Variants in INTS2 observed in about 807,000 individuals in gnomAD.
INTS2 encodes the protein integrator complex subunit 2, also known as KIAA1287.
Under a neutral mutation model 139.6 loss-of-function variants are expected in INTS2, and 57 were observed. The ratio of observed to expected loss-of-function variants is 0.41; its 90% CI spans 0.33 to 0.51. INTS2 has a LOEUF of 0.51. Among genes scored for constraint, INTS2 ranks in the 20% least tolerant of loss-of-function variants. The probability of loss-of-function intolerance (pLI) is 0.28; values close to 1 mark genes in which losing one functional copy is unlikely to be tolerated. For synonymous variants in INTS2, 473 were observed against 493.4 expected, an observed-to-expected ratio of 0.96 and a Z score of 0.55; for missense variants, 1,196 against 1,436.7, an observed-to-expected ratio of 0.83 and a Z score of 2.71.
In INTS2 at chr17:61,873,349, C is replaced by A. The variant is rs568452964; in HGVS notation, c.2583-889G>T. Among the ~76,000 whole-genome samples, 10 of 151,998 alleles carry A rather than the reference C, an allele frequency of 6.6e-5. No homozygotes were observed. The highest frequency in any genetic ancestry group is 2.4e-4 in the African/African-American group (10 of 41,442). On this transcript the variant is annotated intron_variant, in intron 19 of 24. Transcript: ENST00000251334. The surrounding 1 kb of genome is among the most constrained non-coding windows in gnomAD (Gnocchi z 4.0). Reference sequence around the variant, plus strand: ...GACCAGCCTGGACAACATAGCAAGACCCCCAACTCAAAAAATAAAAATAAA... The same window carrying A: ...GACCAGCCTGGACAACATAGCAAGAACCCCAACTCAAAAAATAAAAATAAA...
In INTS2 at chr17:61,870,447, T is replaced by C. The variant is rs1257447666; in HGVS notation, c.2779-459A>G. On this transcript the variant is annotated intron_variant, in intron 20 of 24. Transcript: ENST00000251334. The surrounding 1 kb of genome is among the most constrained non-coding windows in gnomAD (Gnocchi z 4.4). Reference sequence around the variant, plus strand: ...CCTGATTTCCCTTTTTTTCAACCTGTTTAAGGCTCTGGTTTCACAAGGAAA... The same window carrying C: ...CCTGATTTCCCTTTTTTTCAACCTGCTTAAGGCTCTGGTTTCACAAGGAAA... 6.6e-6 allele frequency among the ~76,000 whole-genome samples: 1 copy of C among 152,112 alleles called. No individual in the cohort carries two copies. The highest frequency in any genetic ancestry group is 1.5e-5 in the Non-Finnish European group (1 of 68,000).
At chr17:61,880,950 C>A in intron 17 of INTS2, 57 bp downstream of exon 17, 1 of 1,314,624 alleles carries the variant, frequency 7.6e-7, no homozygotes, top group Non-Finnish European at 1.1e-6. Context: ...TTTCAATTAG[C>A]CTAGCATCTC....
In INTS2 at chr17:61,876,972, A is replaced by G. The variant is rs1339053138; in HGVS notation, c.2456+915T>C. Among the ~76,000 whole-genome samples, 1 of 152,218 alleles carries G rather than the reference A, an allele frequency of 6.6e-6. No homozygotes were observed. The highest frequency in any genetic ancestry group is 2.4e-5 in the African/African-American group (1 of 41,458). ...TAAAGGATTATCACATAGCTCAATT[A>G]TGAAACCACTTCTGTAGTCATAATA... On this transcript the variant is annotated intron_variant, in intron 18 of 24. Transcript: ENST00000251334. This position sits in a 1 kb window ranked among gnomAD's most constrained non-coding sequence, Gnocchi z 4.1.
At chr17:61,911,279 A>T in intron 7 of INTS2, 1 of 451,086 alleles carries the variant, frequency 2.2e-6, no homozygotes, top group Non-Finnish European at 3.9e-6. Context: ...TAAAAGAACT[A>T]AATAAATATT....
At chr17:61,896,684 C>G (rs184951036) in intron 11 of INTS2, among the ~76,000 whole-genome samples, 1 of 152,088 alleles carries the variant, frequency 6.6e-6, no homozygotes, top group East Asian at 1.9e-4. Context: ...CTAAGTTTCA[C>G]TAGTAATCAA....
rs2079039925 is a variant in INTS2 at position 61,865,768 on chromosome 17, A to G, written c.*1789T>C. 1.3e-5 allele frequency: 2 copies of G among 152,254 alleles called. No homozygotes were observed. The highest frequency in any genetic ancestry group is 4.1e-4 in the South Asian group (2 of 4,832). 9.4% of individuals were successfully genotyped at this position (152,254 alleles called of 1,614,324 possible). On this transcript the variant is annotated 3_prime_UTR_variant, in exon 25 of 25. Coordinates refer to ENST00000251334, the MANE Select transcript of INTS2 (RefSeq NM_001351695.2). The surrounding 1 kb of genome is among the most constrained non-coding windows in gnomAD (Gnocchi z 4.8). ...GACTACAAAACTGCCTTGTTTAAAA[A>G]TATGAAAATTCTTATGCTATTTTTA...
intron 5 of INTS2, 60 bp from the exon 6 acceptor site, chr17:61,912,130 CAT>C: frequency 1.3e-6 from 2 of 1,554,482 alleles, no homozygotes; most frequent in Non-Finnish European, 1.8e-6. Flanking sequence ...GAAGATTTCA[CAT>C]GACAGAAGAA....
intron 3 of INTS2, among the ~76,000 whole-genome samples, chr17:61,922,382 C>T (rs1336673312): frequency 1.4e-5 from 2 of 148,114 alleles, no homozygotes; most frequent in Non-Finnish European, 3.0e-5. Context: ...GCAGGAGAAT[C>T]GCTTGAACCC....
chr17:61,920,893 T>A (rs980706916), intron 4 of INTS2, among the ~76,000 whole-genome samples: 2 of 152,050 alleles, frequency 1.3e-5, no homozygotes, highest in African/African-American at 4.8e-5. Flanking sequence ...CAAGCCATCC[T>A]CCTGCCTCAG....
chr17:61,908,940 G>A (rs568511118), intron 7 of INTS2, among the ~76,000 whole-genome samples: 64 of 152,036 alleles, frequency 4.2e-4, no homozygotes, highest in Non-Finnish European at 3.7e-4. Context: ...TGACCTCAAC[G>A]AGTTAAATCG....
chr17:61,874,000 G>C lies in INTS2; in HGVS notation c.2582+913C>G, dbSNP rs2079108611. The C allele has an allele frequency of 6.6e-6, 1 of 152,050 alleles. No homozygotes were observed. The highest frequency in any genetic ancestry group is 6.5e-5 in the Admixed American group (1 of 15,270). 9.4% of individuals were successfully genotyped at this position (152,050 alleles called of 1,614,324 possible). The stretch of plus-strand genomic sequence containing the variant: ...TGCTCATACTACTCTTTTTCTCAAA[G>C]TACCTTCCTTGACTCCCTGACCCCC... On this transcript the variant is annotated intron_variant, in intron 19 of 24. Coordinates refer to ENST00000251334, the MANE Select transcript of INTS2 (RefSeq NM_001351695.2). This position sits in a 1 kb window ranked among gnomAD's most constrained non-coding sequence, Gnocchi z 4.0.
rs2079318144 is a variant in INTS2 at position 61,893,645 on chromosome 17, A to T, written c.1698+120T>A. 5 of 622,680 alleles carry T rather than the reference A, an allele frequency of 8.0e-6. No homozygotes were observed. The highest frequency in any genetic ancestry group is 1.2e-5 in the Non-Finnish European group (5 of 427,952). The allele number at this position is 622,680 out of a possible 1,614,324, so 38.6% of individuals were successfully genotyped here. A position where few individuals can be genotyped will look rare whatever the true frequency, so the allele number is the denominator to read the frequency against. On this transcript the variant is annotated intron_variant, in intron 13 of 24. Transcript: ENST00000251334. This position sits in a 1 kb window ranked among gnomAD's most constrained non-coding sequence, Gnocchi z 5.4. ...AGGAGGCAGAGGTTACAGTGAGCCA[A>T]GACTGCACCACTGCACTCCAACCTG...
intron 9 of INTS2, among the ~76,000 whole-genome samples, chr17:61,901,882 G>A (rs1448806105): frequency 6.6e-6 from 1 of 152,156 alleles, no homozygotes; most frequent in African/African-American, 2.4e-5. Flanking sequence ...ACAGGCGTGA[G>A]CCAGTGTGCC....
intron 6 of INTS2, 81 bp from the exon 7 acceptor site, chr17:61,911,774 A>T: frequency 6.8e-7 from 1 of 1,466,048 alleles, no homozygotes; most frequent in Non-Finnish European, 9.3e-7. Flanking sequence ...AAGTATCTAA[A>T]GTTTAGAGGA....
At chr17:61,892,034 G>C (rs1372429936) in intron 13 of INTS2, among the ~76,000 whole-genome samples, 1 of 151,922 alleles carries the variant, frequency 6.6e-6, no homozygotes, top group Non-Finnish European at 1.5e-5. Context: ...ATAGGAATTT[G>C]GAGAGAGAGA....
chr17:61,868,026 A>C lies in INTS2; in HGVS notation c.3245-17T>G. 1 of 1,538,514 alleles carries C rather than the reference A, an allele frequency of 6.5e-7. No homozygotes were observed. Among genetic ancestry groups the C allele is most frequent in the South Asian group, 1.2e-5 (1 of 80,884 alleles). ...GTGTTAAAACTGTTGGAAAAAAATG[A>C]AACAATATTTTAGTTTACAAATATA... is the stretch of plus-strand genomic sequence containing the variant. On this transcript the variant is annotated splice_polypyrimidine_tract_variant and intron_variant, in intron 23 of 24. Coordinates refer to ENST00000251334, the MANE Select transcript of INTS2 (RefSeq NM_001351695.2). The surrounding 1 kb of genome is among the most constrained non-coding windows in gnomAD (Gnocchi z 4.7).
chr17:61,869,425 A>G lies in INTS2; in HGVS notation c.3031-45T>C. The stretch of plus-strand genomic sequence containing the variant: ...GAAAAAAGTCAGAAATAAAATAACT[A>G]TAAAAGTACAGATAAAAATACAAAT... On this transcript the variant is annotated intron_variant, in intron 21 of 24. Coordinates refer to ENST00000251334, the MANE Select transcript of INTS2 (RefSeq NM_001351695.2). This position sits in a 1 kb window ranked among gnomAD's most constrained non-coding sequence, Gnocchi z 5.4. 2.4e-6 allele frequency: 3 copies of G among 1,250,758 alleles called. No individual in the cohort carries two copies. The highest frequency in any genetic ancestry group is 3.4e-6 in the Non-Finnish European group (3 of 882,242). 77.5% of individuals were successfully genotyped at this position (1,250,758 alleles called of 1,614,324 possible).
rs1479694231 is a variant in INTS2, at chr17:61,875,727, A to G, written c.2457-689T>C. ...AAAAGATTAAAATATACAAACAGAA[A>G]AAAAGGAACTCCAAACAGAAAATGT... On this transcript the variant is annotated intron_variant, in intron 18 of 24. Transcript: ENST00000251334. This position sits in a 1 kb window ranked among gnomAD's most constrained non-coding sequence, Gnocchi z 4.6. Among the ~76,000 whole-genome samples, 1 of 152,184 alleles carries G rather than the reference A, an allele frequency of 6.6e-6. No homozygotes were observed. The highest frequency in any genetic ancestry group is 2.4e-5 in the African/African-American group (1 of 41,450).
At chr17:61,920,411 A>C (rs1231042036) in intron 4 of INTS2, among the ~76,000 whole-genome samples, 2 of 148,858 alleles carry the variant, frequency 1.3e-5, no homozygotes, top group Non-Finnish European at 3.0e-5. Context: ...CCAACTCCTG[A>C]CCTCAGGTGA....
Sources: allele counts gnomAD v4.1 joint callset (sites outside exome capture counted in the v4.1 genomes callset), GRCh38; gene constraint gnomAD v4.1.1; non-coding constraint Gnocchi (gnomAD v3.1); transcripts MANE v1.5; gene names NCBI Gene and HGNC (gene_info 2026-07-23, HGNC 2026-07-21).